Variants in ADAMTS2 observed in about 807,000 individuals in gnomAD.
ADAMTS2 encodes ADAM metallopeptidase with thrombospondin type 1 motif 2.
ADAMTS2 carries 50 observed loss-of-function variants against 123.0 expected under a neutral mutation model. The observed-to-expected ratio is 0.41, with a 90% CI of 0.32 to 0.51. The LOEUF (loss-of-function observed/expected upper bound fraction) is 0.51, where lower values mean the gene tolerates loss of function less well. Ranked by LOEUF, ADAMTS2 falls within the 20% of genes least tolerant of loss-of-function variation. ADAMTS2 has a pLI of 0.35. For missense variants in ADAMTS2, 1,494 were observed against 1,705.2 expected (o/e 0.88, Z 2.18); for synonymous variants, 678 against 695.4 (o/e 0.98, Z 0.39).
chr5:179,196,182 T>C (rs1764427854), intron 4 of ADAMTS2, among the ~76,000 whole-genome samples: 2 of 152,208 alleles, frequency 1.3e-5, no homozygotes, highest in Admixed American at 6.5e-5. Context: ...TCCAGGCCAA[T>C]TTCTGGATTA....
rs143102678 is a variant in ADAMTS2, at chr5:179,238,761, G to A, written c.689-31046C>T. On this transcript the variant is annotated intron_variant, in intron 3 of 21. Coordinates refer to ENST00000251582, the MANE Select transcript of ADAMTS2 (RefSeq NM_014244.5). The stretch of plus-strand genomic sequence containing the variant: ...TCGTGTGGGGTCTGGTAGGTGGCCC[G>A]GGTGCTGGGTGCTGACTTCTGAGCT... Among the ~76,000 whole-genome samples, 495 of 152,154 alleles carry A rather than the reference G, an allele frequency of 3.3e-3. 3 individuals carry two copies. The highest frequency in any genetic ancestry group is 0.01 in the African/African-American group (425 of 41,486).
chr5:179,255,197 G>A (rs1158195016), intron 3 of ADAMTS2, among the ~76,000 whole-genome samples: 1 of 152,170 alleles, frequency 6.6e-6, no homozygotes, highest in Non-Finnish European at 1.5e-5. Flanking sequence ...TTGGATAGAT[G>A]AATGGATGGA....
chr5:179,310,271 G>A (rs964809397), intron 2 of ADAMTS2, among the ~76,000 whole-genome samples: 1 of 152,370 alleles, frequency 6.6e-6, no homozygotes, highest in East Asian at 1.9e-4. Context: ...ATCTAGGCAT[G>A]CCTTGCTCAT....
chr5:179,247,455 A>G (rs1227990540), intron 3 of ADAMTS2, among the ~76,000 whole-genome samples: 1 of 152,190 alleles, frequency 6.6e-6, no homozygotes, highest in African/African-American at 2.4e-5. Context: ...GGGCATAAAG[A>G]ATGTTTGAAA....
At chr5:179,293,695 C>T (rs1427901472) in intron 2 of ADAMTS2, among the ~76,000 whole-genome samples, 1 of 152,168 alleles carries the variant, frequency 6.6e-6, no homozygotes, top group Non-Finnish European at 1.5e-5. Flanking sequence ...CTCACCACAA[C>T]CTCCACCTCC....
intron 5 of ADAMTS2, among the ~76,000 whole-genome samples, chr5:179,165,927 C>A (rs1361116080): frequency 6.6e-6 from 1 of 152,188 alleles, no homozygotes; most frequent in Non-Finnish European, 1.5e-5. Flanking sequence ...AGCACGGGAA[C>A]AGATGAGCTT....
At chr5:179,150,131 C>T (rs550597193) in intron 10 of ADAMTS2, among the ~76,000 whole-genome samples, 16 of 152,194 alleles carry the variant, frequency 1.1e-4, no homozygotes, top group Non-Finnish European at 2.2e-4. Flanking sequence ...AGCTCCTGCT[C>T]CTGCTCCTGC....
At chr5:179,212,358 GCC>G (rs1764876044) in intron 3 of ADAMTS2, among the ~76,000 whole-genome samples, 1 of 148,218 alleles carries the variant, frequency 6.7e-6, no homozygotes, top group Non-Finnish European at 1.5e-5. Flanking sequence ...GCACGTGTGG[GCC>G]CTGAGGGCGG....
rs775213299 is a variant in ADAMTS2, at chr5:179,125,031, C to A, written c.2900G>T (p.Arg967Leu). ...GCAGAGCTCGCGGCTGCAGGCCCGG[C>A]GGCTCTCGGGCCGGGCGTCATTGCA... The part of the protein sequence containing the change: ...KHCNDARPES[R>L]RACSRELCPG... The change falls in exon 19 of 22, where the codon CGC becomes CTC. Residue 967 changes from arginine to leucine, a missense_variant. By Grantham distance (102) the Arg-to-Leu change is moderately radical. Transcript: ENST00000251582. 1.2e-6 allele frequency: 2 copies of A among 1,607,838 alleles called. No homozygotes were observed. The highest frequency in any genetic ancestry group is 1.7e-6 in the Non-Finnish European group (2 of 1,178,692).
chr5:179,290,821 C>T (rs756981841), intron 2 of ADAMTS2, among the ~76,000 whole-genome samples: 35 of 152,096 alleles, frequency 2.3e-4, no homozygotes, highest in African/African-American at 4.8e-4. Context: ...TTCCAGGGAT[C>T]GGGGAGCAAG....
intron 2 of ADAMTS2, among the ~76,000 whole-genome samples, chr5:179,330,813 C>T (rs766498887): frequency 1.3e-5 from 2 of 151,894 alleles, no homozygotes; most frequent in African/African-American, 2.4e-5. Context: ...AAGGCCAAGC[C>T]GCCCTATCTG....
At chr5:179,184,718 G>T (rs1278528011) in intron 4 of ADAMTS2, among the ~76,000 whole-genome samples, 1 of 152,006 alleles carries the variant, frequency 6.6e-6, no homozygotes, top group Non-Finnish European at 1.5e-5. Context: ...TGGCCTGGGC[G>T]AGCCTGACCT....
Position 179,256,859 on chromosome 5 carries a change from C to A in ADAMTS2, c.688+16052G>T, listed in dbSNP as rs530216003. On this transcript the variant is annotated intron_variant, in intron 3 of 21. Coordinates refer to ENST00000251582, the MANE Select transcript of ADAMTS2 (RefSeq NM_014244.5). This position sits in a 1 kb window ranked among gnomAD's most constrained non-coding sequence, Gnocchi z 4.1. ...GTTGTACGAGTCAAATAAAACATTGCGGGGTGGGGCGGCGAGGCCGCCCAA... is the reference window on the plus strand; with the variant it reads ...GTTGTACGAGTCAAATAAAACATTGAGGGGTGGGGCGGCGAGGCCGCCCAA... 6.6e-6 allele frequency among the ~76,000 whole-genome samples: 1 copy of A among 152,224 alleles called. No individual in the cohort carries two copies. The highest frequency in any genetic ancestry group is 2.1e-4 in the South Asian group (1 of 4,828).
chr5:179,318,045 G>C (rs1002380159), intron 2 of ADAMTS2, among the ~76,000 whole-genome samples: 5 of 152,164 alleles, frequency 3.3e-5, no homozygotes, highest in Non-Finnish European at 5.9e-5. Flanking sequence ...GGTCAGGCAG[G>C]CTTCACCCTG....
At chr5:179,177,390 C>G (rs964368277) in intron 5 of ADAMTS2, among the ~76,000 whole-genome samples, 6 of 152,188 alleles carry the variant, frequency 3.9e-5, no homozygotes, top group African/African-American at 1.4e-4. Flanking sequence ...CTACCTTTGG[C>G]ATCTTTGGGT....
rs1056781951 is a variant in ADAMTS2 at position 179,262,624 on chromosome 5, C to T, written c.688+10287G>A. 2.9e-4 allele frequency among the ~76,000 whole-genome samples: 44 copies of T among 152,298 alleles called. No homozygotes were observed. Among genetic ancestry groups the T allele is most frequent in the African/African-American group, 9.9e-4 (41 of 41,564 alleles). On this transcript the variant is annotated intron_variant, in intron 3 of 21. Coordinates refer to ENST00000251582, the MANE Select transcript of ADAMTS2 (RefSeq NM_014244.5). The surrounding 1 kb of genome is among the most constrained non-coding windows in gnomAD (Gnocchi z 5.9). ...CTCAGGGCTCCTGCATGTGCTGTTC[C>T]CTCTGCCTGGAACACCCTTCCCAGG...
At chr5:179,138,017 T>C in intron 11 of ADAMTS2, 73 bp from the exon 12 acceptor site, 1 of 1,497,854 alleles carries the variant, frequency 6.7e-7, no homozygotes, top group Non-Finnish European at 9.0e-7. Context: ...CCTTGTGAGA[T>C]CTTTTTAGGG....
chr5:179,323,787 C>T (rs1470049075), intron 2 of ADAMTS2, among the ~76,000 whole-genome samples: 2 of 152,220 alleles, frequency 1.3e-5, no homozygotes, highest in Non-Finnish European at 2.9e-5. Context: ...GTAAGATGCA[C>T]TCCTAGGTCT....
chr5:179,191,966 G>A (rs2113339622), intron 4 of ADAMTS2, among the ~76,000 whole-genome samples: 1 of 152,310 alleles, frequency 6.6e-6, no homozygotes, highest in Middle Eastern at 3.4e-3. Context: ...GCTGTAGAGT[G>A]GACACCCATC....
Sources: gnomAD v4.1 joint callset for allele counts (sites outside exome capture counted in the v4.1 genomes callset) on GRCh38, gnomAD v4.1.1 for gene constraint, Gnocchi (gnomAD v3.1) non-coding constraint, MANE v1.5 for transcripts, NCBI Gene and HGNC (gene_info 2026-07-23, HGNC 2026-07-21) for gene names.